The following E2F5 variants were observed in gnomAD, a reference collection of about 807,000 sequenced individuals.
E2F5 encodes E2F transcription factor 5, also known as transcription factor E2F5.
Under a neutral mutation model 39.1 loss-of-function variants are expected in E2F5, and 23 were observed. The ratio of observed to expected loss-of-function variants is 0.59; its 90% CI spans 0.42 to 0.83. The LOEUF is 0.83. Among genes scored for constraint, E2F5 ranks in the 40% least tolerant of loss-of-function variants. The probability of loss-of-function intolerance (pLI) is 0.00; values close to 1 mark genes in which losing one functional copy is unlikely to be tolerated. For missense variants in E2F5, 365 were observed against 406.7 expected, an observed-to-expected ratio of 0.90 and a Z score of 0.88; for synonymous variants, 145 against 157.8, an observed-to-expected ratio of 0.92 and a Z score of 0.61.
chr8:85,212,346 TACAG>T (rs1812951480), intron 7 of E2F5, 142 bp downstream of exon 7: 1 of 618,398 alleles, frequency 1.6e-6, no homozygotes. Context: ...CCTTAACACT[TACAG>T]TAAGTAATAG....
intron 1 of E2F5, among the ~76,000 whole-genome samples, chr8:85,190,585 C>G (rs940893312): frequency 3.1e-5 from 4 of 128,958 alleles, no homozygotes; most frequent in Non-Finnish European, 6.3e-5. Flanking sequence ...CTCACTGCAA[C>G]CTCCGTCTCC....
intron 6 of E2F5, among the ~76,000 whole-genome samples, chr8:85,209,768 G>A (rs1056608919): frequency 2.6e-5 from 4 of 152,176 alleles, no homozygotes; most frequent in Admixed American, 2.6e-4. Context: ...ACTTGGTAAG[G>A]TTCTTTTATC....
Position 85,213,804 on chromosome 8 carries a change from A to T in E2F5, c.983A>T (p.Asn328Ile). ...SPTPADDYNFNLDDNEGVCDL... is the reference protein window; with the variant it reads ...SPTPADDYNFILDDNEGVCDL... The stretch of plus-strand genomic sequence containing the variant: ...ACCCCGGCAGATGACTACAACTTTA[A>T]TTTAGATGATAACGAAGGAGTTTGT... The change falls in exon 8 of 8, where the codon AAT (asparagine) becomes ATT (isoleucine). Residue 328 changes from asparagine to isoleucine, a missense_variant. By Grantham distance (149) the Asn-to-Ile change is moderately radical (BLOSUM62 -3). Transcript: ENST00000416274. The T allele has an allele frequency of 1.2e-6, 2 of 1,613,438 alleles. No individual in the cohort carries two copies. Among genetic ancestry groups the T allele is most frequent in the South Asian group, 2.2e-5 (2 of 91,028 alleles).
chr8:85,201,076 A>G (rs1248237165), intron 1 of E2F5, among the ~76,000 whole-genome samples: 3 of 152,228 alleles, frequency 2.0e-5, no homozygotes, highest in Admixed American at 2.0e-4. Flanking sequence ...TTAAGATCCC[A>G]AATGCCTGTA....
Position 85,214,316 on chromosome 8 carries a change from C to T in E2F5, c.*454C>T, listed in dbSNP as rs747429646. On this transcript the variant is annotated 3_prime_UTR_variant, in exon 8 of 8. Coordinates refer to ENST00000416274, the MANE Select transcript of E2F5 (RefSeq NM_001951.4). ...CCACTTGTAAAGTGAAGGATGTAAACGAGGATATATAACTGTTTCAGTGAA... is the reference window on the plus strand; with the variant it reads ...CCACTTGTAAAGTGAAGGATGTAAATGAGGATATATAACTGTTTCAGTGAA... The T allele has an allele frequency of 1.0e-5, 6 of 590,878 alleles. No homozygotes were observed. The highest frequency in any genetic ancestry group is 6.5e-5 in the East Asian group (2 of 30,782). 36.6% of individuals were successfully genotyped at this position (590,878 alleles called of 1,614,324 possible).
intron 1 of E2F5, chr8:85,178,248 T>C (rs1812128171): frequency 6.6e-6 from 1 of 152,058 alleles, no homozygotes. Context: ...ACTTCTTTCA[T>C]CACCCTGATA....
intron 4 of E2F5, 95 bp from the exon 5 acceptor site, chr8:85,207,330 G>C: frequency 9.3e-7 from 1 of 1,080,302 alleles, no homozygotes; most frequent in Non-Finnish European, 1.3e-6. Context: ...GTTTGGGATT[G>C]AACCAAACAC....
chr8:85,183,039 C>A (rs1055978560), intron 1 of E2F5, among the ~76,000 whole-genome samples: 1 of 152,038 alleles, frequency 6.6e-6, no homozygotes, highest in Non-Finnish European at 1.5e-5. Context: ...ATCACGAGGT[C>A]GGGAGATTGA....
chr8:85,213,591 A>G (rs985583818), intron 7 of E2F5, 162 bp from the exon 8 acceptor site: 6 of 414,290 alleles, frequency 1.4e-5, no homozygotes, highest in East Asian at 7.5e-5. Flanking sequence ...TCTCAATCTA[A>G]TATCAATATT....
Position 85,214,332 on chromosome 8 carries a change from T to C in E2F5, c.*470T>C. The C allele has an allele frequency of 1.7e-6, 1 of 590,866 alleles. No individual in the cohort carries two copies. Among genetic ancestry groups the C allele is most frequent in the South Asian group, 1.9e-5 (1 of 53,504 alleles). The allele number at this position is 590,866 out of a possible 1,614,324, so 36.6% of individuals were successfully genotyped here. A position where few individuals can be genotyped will look rare whatever the true frequency, so the allele number is the denominator to read the frequency against. On this transcript the variant is annotated 3_prime_UTR_variant, in exon 8 of 8. Coordinates refer to ENST00000416274, the MANE Select transcript of E2F5 (RefSeq NM_001951.4). ...GGATGTAAACGAGGATATATAACTGTTTCAGTGAACAGATTTTGTGAAGTG... is the reference window on the plus strand; with the variant it reads ...GGATGTAAACGAGGATATATAACTGCTTCAGTGAACAGATTTTGTGAAGTG...
At chr8:85,190,314 C>G (rs1428481726) in intron 1 of E2F5, among the ~76,000 whole-genome samples, 1 of 151,920 alleles carries the variant, frequency 6.6e-6, no homozygotes, top group Non-Finnish European at 1.5e-5. Flanking sequence ...GGCCACTTCT[C>G]CAAACCGTCT....
intron 1 of E2F5, among the ~76,000 whole-genome samples, chr8:85,198,000 TTC>T (rs1273998462): frequency 6.6e-6 from 1 of 152,206 alleles, no homozygotes; most frequent in Non-Finnish European, 1.5e-5. Context: ...TTGTACTTTC[TTC>T]TCTCCTCTCA....
intron 6 of E2F5, 105 bp downstream of exon 6, chr8:85,209,514 T>G: frequency 7.3e-7 from 1 of 1,362,082 alleles, no homozygotes; most frequent in Non-Finnish European, 9.8e-7. Context: ...CAAGCACTTT[T>G]GACATTTTGG....
At chr8:85,189,091 T>C (rs1812407597) in intron 1 of E2F5, among the ~76,000 whole-genome samples, 1 of 152,192 alleles carries the variant, frequency 6.6e-6, no homozygotes, top group African/African-American at 2.4e-5. Flanking sequence ...TGTTTTAATT[T>C]CACCAGTAAA....
chr8:85,183,509 G>A (rs959566183), intron 1 of E2F5, among the ~76,000 whole-genome samples: 8 of 152,170 alleles, frequency 5.3e-5, no homozygotes, highest in Admixed American at 2.0e-4. Context: ...CCTAATGTCC[G>A]TCAATAGATG....
chr8:85,193,374 T>A (rs1425235842), intron 1 of E2F5, among the ~76,000 whole-genome samples: 1 of 152,042 alleles, frequency 6.6e-6, no homozygotes, highest in East Asian at 1.9e-4. Flanking sequence ...ATCCAGCTAC[T>A]TGGGAGGCTT....
At chr8:85,186,095 A>G (rs1337632322) in intron 1 of E2F5, among the ~76,000 whole-genome samples, 1 of 152,208 alleles carries the variant, frequency 6.6e-6, no homozygotes, top group African/African-American at 2.4e-5. Flanking sequence ...AATAGCAAAG[A>G]CTTGGAACCA....
intron 1 of E2F5, among the ~76,000 whole-genome samples, chr8:85,181,242 C>A (rs1162464051): frequency 3.3e-5 from 5 of 152,102 alleles, no homozygotes; most frequent in African/African-American, 1.2e-4. Flanking sequence ...TTTTGGATAT[C>A]ATAAAGTATC....
intron 1 of E2F5, among the ~76,000 whole-genome samples, chr8:85,184,296 G>A (rs1442509744): frequency 6.6e-6 from 1 of 152,092 alleles, no homozygotes; most frequent in Non-Finnish European, 1.5e-5. Flanking sequence ...ATGCAAAAAG[G>A]CCTTCAACAA....
Sources: allele counts gnomAD v4.1 joint callset (sites outside exome capture counted in the v4.1 genomes callset), GRCh38; gene constraint gnomAD v4.1.1; transcripts MANE v1.5; gene names NCBI Gene and HGNC (gene_info 2026-07-23, HGNC 2026-07-21).